Variants in DGKB observed in about 807,000 individuals in gnomAD.
DGKB encodes 90 kDa diacylglycerol kinase.
DGKB carries 67 observed loss-of-function variants against 114.3 expected under a neutral mutation model. The ratio of observed to expected loss-of-function variants is 0.59; its 90% confidence interval spans 0.48 to 0.72. The LOEUF (loss-of-function observed/expected upper bound fraction) is 0.72, where lower values mean the gene tolerates loss of function less well. DGKB is among the 30% of genes least tolerant of loss of function. The pLI, the probability that DGKB is intolerant of heterozygous loss-of-function variation, is 0.00. For synonymous variants in DGKB, 398 were observed against 323.1 expected (o/e 1.23, Z -2.49); for missense variants, 907 against 975.2 (o/e 0.93, Z 0.93).
chr7:14,856,151 A>G (rs1003338423), intron 1 of DGKB, among the ~76,000 whole-genome samples: 4 of 152,108 alleles, frequency 2.6e-5, no homozygotes, highest in Admixed American at 2.0e-4. Flanking sequence ...AATACTTTTT[A>G]TAAGGAACCC....
At chr7:14,872,828 GTATAT>G (rs1657178956) in intron 1 of DGKB, among the ~76,000 whole-genome samples, 1 of 148,790 alleles carries the variant, frequency 6.7e-6, no homozygotes, top group African/African-American at 2.5e-5. Flanking sequence ...TATTTATAAT[GTATAT>G]AATATATTTC....
chr7:14,685,030 A>G (rs765812243), intron 10 of DGKB, among the ~76,000 whole-genome samples: 16 of 152,208 alleles, frequency 1.1e-4, no homozygotes, highest in Non-Finnish European at 1.8e-4. Context: ...GACTTGGAAA[A>G]TGTCCTTCAT....
intron 23 of DGKB, among the ~76,000 whole-genome samples, chr7:14,206,369 G>C (rs940289823): frequency 7.2e-5 from 11 of 152,026 alleles, no homozygotes; most frequent in African/African-American, 2.7e-4. Context: ...GGTGAACAAG[G>C]AGGTGATGGT....
At chr7:14,330,323 A>G (rs148107910) in intron 23 of DGKB, among the ~76,000 whole-genome samples, 5 of 151,934 alleles carry the variant, frequency 3.3e-5, no homozygotes, top group Non-Finnish European at 5.9e-5. Flanking sequence ...GTTTCCCTAC[A>G]TTCATTAGGT....
intron 23 of DGKB, among the ~76,000 whole-genome samples, chr7:14,319,396 A>C (rs898833837): frequency 2.6e-5 from 4 of 152,034 alleles, no homozygotes; most frequent in Non-Finnish European, 4.4e-5. Context: ...ATACAGTGCC[A>C]CTCTTCTTAC....
At chr7:14,637,717 G>T (rs1249356913) in intron 13 of DGKB, among the ~76,000 whole-genome samples, 1 of 151,122 alleles carries the variant, frequency 6.6e-6, no homozygotes, top group Non-Finnish European at 1.5e-5. Context: ...GACCAAAAGT[G>T]AGAGAAATAA....
chr7:14,324,816 G>A (rs984371159), intron 23 of DGKB, among the ~76,000 whole-genome samples: 4 of 106,278 alleles, frequency 3.8e-5, no homozygotes, highest in Admixed American at 9.5e-5. Flanking sequence ...CCTGAGAGTT[G>A]CAAGTGTCCT....
chr7:14,682,508 T>C (rs753281952), intron 12 of DGKB, 45 bp downstream of exon 12: 2 of 1,306,534 alleles, frequency 1.5e-6, no homozygotes, highest in Admixed American at 3.4e-5. Flanking sequence ...ATACACGTCT[T>C]CAGTGTGGGT....
chr7:14,668,593 T>C (rs547293311), intron 13 of DGKB, among the ~76,000 whole-genome samples: 5 of 152,252 alleles, frequency 3.3e-5, no homozygotes, highest in East Asian at 1.9e-4. Flanking sequence ...AATGAATTTA[T>C]ATATTGTGTT....
At chr7:14,913,809 C>T (rs191020858) in intron 1 of DGKB, among the ~76,000 whole-genome samples, 1 of 152,184 alleles carries the variant, frequency 6.6e-6, no homozygotes. Context: ...CTCTCATCCA[C>T]ACATCAAGAC....
chr7:14,284,726 T>C (rs1446026522), intron 23 of DGKB, among the ~76,000 whole-genome samples: 1 of 151,046 alleles, frequency 6.6e-6, no homozygotes, highest in Non-Finnish European at 1.5e-5. Flanking sequence ...ATGGATGAAA[T>C]TGGAAACCAT....
At chr7:14,307,680 T>G (rs1651964382) in intron 23 of DGKB, among the ~76,000 whole-genome samples, 1 of 152,210 alleles carries the variant, frequency 6.6e-6, no homozygotes, top group African/African-American at 2.4e-5. Flanking sequence ...AAAAGTAATG[T>G]TAGACAATTT....
At chr7:14,413,746 C>T (rs1026649005) in intron 21 of DGKB, among the ~76,000 whole-genome samples, 1 of 152,224 alleles carries the variant, frequency 6.6e-6, no homozygotes, top group Admixed American at 6.5e-5. Context: ...AAGTCATTGG[C>T]ACCCAGGGCA....
intron 2 of DGKB, chr7:14,816,474 T>C (rs1035892917): frequency 3.9e-5 from 6 of 152,328 alleles, no homozygotes; most frequent in African/African-American, 1.2e-4. Context: ...CCTTGATCAT[T>C]GCTTTTAGTC....
At chr7:14,823,099 A>AT (rs1845176373) in intron 2 of DGKB, among the ~76,000 whole-genome samples, 1 of 151,792 alleles carries the variant, frequency 6.6e-6, no homozygotes, top group African/African-American at 2.4e-5. Flanking sequence ...AGAGTCTCAG[A>AT]TATCTTTGTA....
At chr7:14,876,765 A>G (rs1302839298) in intron 1 of DGKB, among the ~76,000 whole-genome samples, 1 of 152,128 alleles carries the variant, frequency 6.6e-6, no homozygotes, top group African/African-American at 2.4e-5. Context: ...AATTCTATAT[A>G]CCTCCTCAAC....
At chr7:14,439,940 C>G (rs913528993) in intron 21 of DGKB, among the ~76,000 whole-genome samples, 1 of 150,290 alleles carries the variant, frequency 6.7e-6, no homozygotes, top group African/African-American at 2.5e-5. Context: ...GTCACTACAA[C>G]AGTTACTACT....
At chr7:14,973,523 T>G (rs1787608224) in intron 1 of DGKB, among the ~76,000 whole-genome samples, 1 of 135,140 alleles carries the variant, frequency 7.4e-6, no homozygotes, top group African/African-American at 2.8e-5. Flanking sequence ...TTTTTTGTTT[T>G]TTTGTTTTTT....
intron 4 of DGKB, among the ~76,000 whole-genome samples, chr7:14,742,466 T>G (rs1350485821): frequency 6.6e-6 from 1 of 152,200 alleles, no homozygotes; most frequent in Non-Finnish European, 1.5e-5. Context: ...TAAAAAGTCT[T>G]AAAGATTATT....
Sources: allele counts gnomAD v4.1 joint callset (sites outside exome capture counted in the v4.1 genomes callset), GRCh38; gene constraint gnomAD v4.1.1; transcripts MANE v1.5; gene names NCBI Gene and HGNC (gene_info 2026-07-23, HGNC 2026-07-21).